The following NOTCH2 variants were observed in gnomAD, a reference collection of about 807,000 sequenced individuals.
The protein encoded by NOTCH2 is neurogenic locus notch homolog protein 2.
A neutral mutation model predicts 235.8 loss-of-function variants in NOTCH2; 29 were observed. The observed-to-expected ratio is 0.12, with a 90% CI of 0.09 to 0.17. The LOEUF is 0.17. Among genes scored for constraint, NOTCH2 ranks in the 10% least tolerant of loss-of-function variants. NOTCH2 has a pLI of 1.00. For missense variants in NOTCH2, 2,285 were observed against 3,150.2 expected (o/e 0.73, Z 6.57); for synonymous variants, 1,086 against 1,141.5 (o/e 0.95, Z 0.98).
chr1:120,006,825 GGTCATGAGTGCTTTTGTCTTTGACA>G, intron 2 of NOTCH2, among the ~76,000 whole-genome samples: 1 of 152,134 alleles, frequency 6.6e-6, no homozygotes, highest in East Asian at 1.9e-4. Flanking sequence ...GAAACACTGG[GGTCATGAGTGCTTTTGTCTTTGACA>G]GTCATATCCA....
intron 1 of NOTCH2, among the ~76,000 whole-genome samples, chr1:120,033,631 G>A (rs1170359730): frequency 2.2e-4 from 32 of 147,280 alleles, no homozygotes; most frequent in Middle Eastern, 3.4e-3. Context: ...AGAGGAAAAT[G>A]GTGGTTACGG....
intron 18 of NOTCH2, among the ~76,000 whole-genome samples, chr1:119,941,052 CATTTT>C (rs782680967): frequency 5.8e-4 from 89 of 152,304 alleles, no homozygotes; most frequent in Non-Finnish European, 1.0e-3. Context: ...TATCACATTT[CATTTT>C]ATCTCTAAGT....
At chr1:119,947,485 A>G (rs1164140326) in intron 17 of NOTCH2, among the ~76,000 whole-genome samples, 1 of 152,210 alleles carries the variant, frequency 6.6e-6, no homozygotes, top group Non-Finnish European at 1.5e-5. Flanking sequence ...CCACTAGAAG[A>G]GCTAAATTTA....
chr1:120,041,041 CAAAAAAAAAAAAA>C (rs71586698), intron 1 of NOTCH2, among the ~76,000 whole-genome samples: 13 of 15,666 alleles, frequency 8.3e-4, no homozygotes, highest in South Asian at 2.6e-3. Context: ...ACTCTGCCTG[CAAAAAAAAAAAAA>C]AAAAAAAAAA....
At chr1:119,919,240 T>G in intron 31 of NOTCH2, 72 bp downstream of exon 31, 1 of 1,433,894 alleles carries the variant, frequency 7.0e-7, no homozygotes, top group East Asian at 2.3e-5. Flanking sequence ...GAGATATTAA[T>G]TCTTTAAAAA....
chr1:119,938,747 C>T (rs1300785598), intron 19 of NOTCH2, among the ~76,000 whole-genome samples: 3 of 151,838 alleles, frequency 2.0e-5, no homozygotes, highest in Admixed American at 1.3e-4. Context: ...GTGGCGCTAT[C>T]TCCGCTAACT....
In NOTCH2 at chr1:119,967,409, C is replaced by G. The variant is rs138590475; in HGVS notation, c.1453+24G>C. ...CAGAACAGTCCCTCCTCTCTAGACC[C>G]AACATGCTGATGGGCCCATTTACCT... On this transcript the variant is annotated intron_variant, in intron 8 of 33. Transcript: ENST00000256646. 209 of 1,609,660 alleles carry G rather than the reference C, an allele frequency of 1.3e-4. No homozygotes were observed. In the African/African-American group the frequency reaches 2.6e-3, roughly 20 times the overall value.
intron 3 of NOTCH2, among the ~76,000 whole-genome samples, chr1:119,998,567 AAG>A (rs140728489): frequency 0.045 from 6,712 of 150,104 alleles, no homozygotes; most frequent in East Asian, 0.12. Flanking sequence ...CAGAAAGAGA[AAG>A]AGAAAAAAAT....
Position 119,937,953 on chromosome 1 carries a change from T to C in NOTCH2, c.3241A>G (p.Lys1081Glu). The C allele has an allele frequency of 1.2e-6, 2 of 1,614,188 alleles. No homozygotes were observed. The highest frequency in any genetic ancestry group is 1.1e-5 in the South Asian group (1 of 91,078). Residue 1081 changes from lysine (K) to glutamate (E), a missense_variant, in exon 20 of 34, where the codon AAA becomes GAA. Lys to Glu is a moderately conservative substitution (Grantham distance 56). Around this residue, in one of 6 missense-constraint regions of NOTCH2, gnomAD observed 1,173 missense variants for 1,515.3 expected, o/e 0.77. Transcript: ENST00000256646. ...CATAGGCACTGGGACTCTGCTTTTT[T>C]CTGAACGCAAGTACCTTTGTTTTTA... Reference protein sequence around the residue: ...PCKNKGTCVQKKAESQCLCPS... With the variant: ...PCKNKGTCVQEKAESQCLCPS...
intron 4 of NOTCH2, among the ~76,000 whole-genome samples, chr1:119,988,600 A>G (rs941204738): frequency 1.3e-5 from 2 of 152,178 alleles, no homozygotes; most frequent in African/African-American, 4.8e-5. Flanking sequence ...TATGGGATCT[A>G]CTAGGTCCTT....
At chr1:119,956,227 A>G (rs1195519004) in intron 12 of NOTCH2, among the ~76,000 whole-genome samples, 1 of 152,216 alleles carries the variant, frequency 6.6e-6, no homozygotes, top group Non-Finnish European at 1.5e-5. Flanking sequence ...ATTTTGAGTA[A>G]CTGAGATTTA....
intron 2 of NOTCH2, among the ~76,000 whole-genome samples, chr1:120,028,438 C>G (rs1273379429): frequency 6.6e-6 from 1 of 152,002 alleles, no homozygotes; most frequent in Non-Finnish European, 1.5e-5. Flanking sequence ...GAGAATGCAC[C>G]ACGTTTTTTT....
In NOTCH2 at chr1:119,929,014, G is replaced by A. The variant is rs782457079; in HGVS notation, c.3854C>T (p.Thr1285Ile). 1 of 1,614,156 alleles carries A rather than the reference G, an allele frequency of 6.2e-7. No individual in the cohort carries two copies. Among genetic ancestry groups the A allele is most frequent in the Admixed American group, 1.7e-5 (1 of 60,024 alleles). Reference protein sequence around the residue: ...SEGSLDCIQLTNDYLCVCRSA... With the variant: ...SEGSLDCIQLINDYLCVCRSA... ...ACGGCAAACACACAGGTAGTCATTG[G>A]TGAGCTGTATACAGTCCAGGCTGCC... Residue 1285 changes from threonine (T) to isoleucine (I), a missense_variant, in exon 23 of 34, where the codon ACC becomes ATC. Thr to Ile is a moderately conservative substitution (Grantham distance 89). Coordinates refer to ENST00000256646, the MANE Select transcript of NOTCH2 (RefSeq NM_024408.4).
intron 4 of NOTCH2, among the ~76,000 whole-genome samples, chr1:119,989,032 T>C (rs769572670): frequency 9.2e-5 from 14 of 152,344 alleles, no homozygotes; most frequent in African/African-American, 2.6e-4. Context: ...TTTTTCCCTG[T>C]CAATAGGTAG....
chr1:119,937,950 T>C lies in NOTCH2; in HGVS notation c.3244A>G (p.Lys1082Glu). ...CKNKGTCVQK[K>E]AESQCLCPSG... is the part of the protein sequence containing the mutation. ...GGACATAGGCACTGGGACTCTGCTT[T>C]TTTCTGAACGCAAGTACCTTTGTTT... is the stretch of plus-strand genomic sequence containing the variant. The change falls in exon 20 of 34, where the codon AAA becomes GAA. Residue 1082 changes from lysine (K) to glutamate (E), a missense_variant. By Grantham distance (56) the Lys-to-Glu change is moderately conservative. Coordinates refer to ENST00000256646, the MANE Select transcript of NOTCH2 (RefSeq NM_024408.4). 1 of 1,614,190 alleles carries C rather than the reference T, an allele frequency of 6.2e-7. No individual in the cohort carries two copies. The highest frequency in any genetic ancestry group is 1.7e-5 in the Admixed American group (1 of 60,022).
rs17258565 is a variant in NOTCH2 at position 119,923,058 on chromosome 1, C to T, written c.4860-280G>A. Among the ~76,000 whole-genome samples the T allele has an allele frequency of 0.012, 1,865 of 152,350 alleles. 12 individuals carry two copies. The highest frequency in any genetic ancestry group is 0.02 in the Non-Finnish European group (1,383 of 68,026). On this transcript the variant is annotated intron_variant, in intron 26 of 33. Coordinates refer to ENST00000256646, the MANE Select transcript of NOTCH2 (RefSeq NM_024408.4). ...AGGCAATGCATGACAAAGTGAGAAGCTGTGCTTTCCTCCCGAAGGTTTCAG... is the reference window on the plus strand; with the variant it reads ...AGGCAATGCATGACAAAGTGAGAAGTTGTGCTTTCCTCCCGAAGGTTTCAG...
chr1:120,010,738 T>C (rs1216477256), intron 2 of NOTCH2, among the ~76,000 whole-genome samples: 6 of 152,176 alleles, frequency 3.9e-5, no homozygotes, highest in African/African-American at 1.4e-4. Flanking sequence ...GTGAGAAAGC[T>C]CTTTCTTTCT....
chr1:119,947,484 G>GAGCTAAAT (rs1390473499), intron 17 of NOTCH2, among the ~76,000 whole-genome samples: 2 of 152,140 alleles, frequency 1.3e-5, no homozygotes, highest in Non-Finnish European at 2.9e-5. Flanking sequence ...CCCACTAGAA[G>GAGCTAAAT]AGCTAAATTT....
chr1:119,948,726 G>C (rs1042985526), intron 16 of NOTCH2, among the ~76,000 whole-genome samples, 160 bp from the exon 17 acceptor site: 1 of 152,142 alleles, frequency 6.6e-6, no homozygotes, highest in Non-Finnish European at 1.5e-5. Flanking sequence ...TGTGGCCTAG[G>C]AAGTTGCTGC....
Sources: gnomAD v4.1 joint callset for allele counts (sites outside exome capture counted in the v4.1 genomes callset) on GRCh38, gnomAD v4.1.1 for gene constraint, gnomAD v4.1.1 regional missense constraint, MANE v1.5 for transcripts, NCBI Gene and HGNC (gene_info 2026-07-23, HGNC 2026-07-21) for gene names.